FAM204A: variants seen among roughly 807,000 people sequenced by gnomAD.
The protein encoded by FAM204A is family with sequence similarity 204 member A.
A neutral mutation model predicts 35.4 loss-of-function variants in FAM204A; 16 were observed. That is an observed-to-expected ratio of 0.45 (90% CI 0.31 to 0.69). The LOEUF (loss-of-function observed/expected upper bound fraction) is 0.69, where lower values mean the gene tolerates loss of function less well. FAM204A is among the 30% of genes least tolerant of loss of function. The pLI is 0.07. For missense variants in FAM204A, 240 were observed against 265.7 expected (o/e 0.90, Z 0.67); for synonymous variants, 76 against 86.9 (o/e 0.88, Z 0.70).
At chr10:118,326,375 T>C (rs2133281451) in intron 6 of FAM204A, 132 bp from the exon 7 acceptor site, 1 of 745,500 alleles carries the variant, frequency 1.3e-6, no homozygotes, top group East Asian at 2.6e-5. Context: ...CACCAGAAGG[T>C]AGCTGCTACC....
At chr10:118,313,381 A>G (rs1313611194) in intron 7 of FAM204A, among the ~76,000 whole-genome samples, 2 of 152,164 alleles carry the variant, frequency 1.3e-5, no homozygotes, top group East Asian at 3.9e-4. Context: ...TGGCTCTTCG[A>G]TGCTTTAGTT....
At chr10:118,332,433 C>G (rs1404693406) in intron 6 of FAM204A, among the ~76,000 whole-genome samples, 1 of 151,496 alleles carries the variant, frequency 6.6e-6, no homozygotes, top group Non-Finnish European at 1.5e-5. Context: ...CTTCATGGTA[C>G]CACTACAACA....
In FAM204A at chr10:118,301,990, C is replaced by G. The variant is rs1408091065; in HGVS notation, c.*8867G>C. The stretch of plus-strand genomic sequence containing the variant: ...CCATATGAGAGTCCAGTGGTTCTCA[C>G]ACTTCAACGTCCCATCAGAAGATAC... On this transcript the variant is annotated 3_prime_UTR_variant, in exon 9 of 9. Transcript: ENST00000369183. 1 of 152,594 alleles carries G rather than the reference C, an allele frequency of 6.6e-6. No individual in the cohort carries two copies. The highest frequency in any genetic ancestry group is 1.5e-5 in the Non-Finnish European group (1 of 68,058). 9.5% of individuals were successfully genotyped at this position (152,594 alleles called of 1,614,324 possible). A position where few individuals can be genotyped will look rare whatever the true frequency, so the allele number is the denominator to read the frequency against.
chr10:118,332,092 C>T (rs1018055651), intron 6 of FAM204A, among the ~76,000 whole-genome samples: 2 of 133,484 alleles, frequency 1.5e-5, no homozygotes, highest in Admixed American at 1.7e-4. Context: ...GAATGGTTTG[C>T]ACCTGGGAAG....
chr10:118,311,506 C>A (rs1845951879), intron 7 of FAM204A, 193 bp from the exon 8 acceptor site: 1 of 514,386 alleles, frequency 1.9e-6, no homozygotes, highest in Non-Finnish European at 3.4e-6. Flanking sequence ...TCCCAATAGA[C>A]CCTTTACCCT....
chr10:118,326,035 A>C, intron 7 of FAM204A, 119 bp downstream of exon 7: 1 of 720,340 alleles, frequency 1.4e-6, no homozygotes, highest in Non-Finnish European at 2.2e-6. Flanking sequence ...GAAAATGGAC[A>C]AAAAGGAAAA....
At chr10:118,342,012 G>C (rs563832720) in intron 1 of FAM204A, 85 bp from the exon 2 acceptor site, 1 of 152,384 alleles carries the variant, frequency 6.6e-6, no homozygotes, top group African/African-American at 2.4e-5. Context: ...TTTGACCTGG[G>C]TGGGACGGAG....
rs1422286626 is a variant in FAM204A at position 118,298,558 on chromosome 10, A to T, written c.*12299T>A. 1 of 152,228 alleles carries T rather than the reference A, an allele frequency of 6.6e-6. No individual in the cohort carries two copies. Among genetic ancestry groups the T allele is most frequent in the Non-Finnish European group, 1.5e-5 (1 of 68,054 alleles). 9.4% of individuals were successfully genotyped at this position (152,228 alleles called of 1,614,324 possible). ...GCTATCTGCAAAGCTGACCAGGGCT[A>T]GAACTCCATTTTACCACCTCTGACA... On this transcript the variant is annotated 3_prime_UTR_variant, in exon 9 of 9. Coordinates refer to ENST00000369183, the MANE Select transcript of FAM204A (RefSeq NM_022063.3).
intron 7 of FAM204A, among the ~76,000 whole-genome samples, chr10:118,312,236 G>A (rs746811004): frequency 8.5e-5 from 13 of 152,158 alleles, no homozygotes; most frequent in African/African-American, 1.2e-4. Flanking sequence ...CAATAAAAAC[G>A]AAGTACCTCT....
At chr10:118,328,267 G>A (rs769239929) in intron 6 of FAM204A, among the ~76,000 whole-genome samples, 13 of 151,988 alleles carry the variant, frequency 8.6e-5, no homozygotes, top group Non-Finnish European at 1.3e-4. Context: ...TCCCTGGCAC[G>A]GTCCTTCAGT....
Position 118,302,817 on chromosome 10 carries a change from G to T in FAM204A, c.*8040C>A, listed in dbSNP as rs1256198915. On this transcript the variant is annotated 3_prime_UTR_variant, in exon 9 of 9. Transcript: ENST00000369183. ...CCCTATGGTTTGTGATAAGACATGT[G>T]CAAGTTGCACTGACTTGCTTTCCTC... is the stretch of plus-strand genomic sequence containing the variant. 1 of 152,346 alleles carries T rather than the reference G, an allele frequency of 6.6e-6. No individual in the cohort carries two copies. The highest frequency in any genetic ancestry group is 2.4e-5 in the African/African-American group (1 of 41,572). The allele number at this position is 152,346 out of a possible 1,614,324, so 9.4% of individuals were successfully genotyped here.
At position 118,303,564 on chromosome 10, in the gene FAM204A, AGCACTTTGGGAGGCTGAGGTGGGCGG is replaced by A. The variant is rs1845831522; in HGVS notation, c.*7267_*7292del. 6.6e-6 allele frequency: 1 copy of A among 152,498 alleles called. No individual in the cohort carries two copies. Among genetic ancestry groups the A allele is most frequent in the Non-Finnish European group, 1.5e-5 (1 of 68,300 alleles). The allele number at this position is 152,498 out of a possible 1,614,324, so 9.4% of individuals were successfully genotyped here. Reference sequence around the variant, plus strand: ...CGCGGTGGCTCATGCCTGTAATCCCAGCACTTTGGGAGGCTGAGGTGGGCGGATCACAAGGTCAAGAGATTGAGACC... The same window carrying A: ...CGCGGTGGCTCATGCCTGTAATCCCAATCACAAGGTCAAGAGATTGAGACC... On this transcript the variant is annotated 3_prime_UTR_variant, in exon 9 of 9. Transcript: ENST00000369183.
rs1044213554 is a variant in FAM204A at position 118,335,611 on chromosome 10, C to T, written c.265G>A (p.Glu89Lys). ...AATCTTGAGGTTGTGCTTTTCTGTT[C>T]AGAATGTTTTTTATGCAATTCTTGA... Reference protein sequence around the residue: ...KFQELHKKHSEQKSTTSRFRG... With the variant: ...KFQELHKKHSKQKSTTSRFRG... Residue 89 changes from glutamate to lysine, a missense_variant, in exon 4 of 9, where the codon GAA (glutamate) becomes AAA (lysine). Physicochemically the swap from Glu to Lys is moderately conservative, Grantham distance 56 (BLOSUM62 1). Transcript: ENST00000369183. The T allele has an allele frequency of 9.3e-6, 15 of 1,608,780 alleles. No homozygotes were observed. Among genetic ancestry groups the T allele is most frequent in the Non-Finnish European group, 1.3e-5 (15 of 1,178,824 alleles).
intron 2 of FAM204A, chr10:118,337,346 G>A: frequency 1.9e-6 from 1 of 525,960 alleles, no homozygotes; most frequent in Non-Finnish European, 2.4e-6. Context: ...CTATCAATAT[G>A]AAGGAATAAA....
chr10:118,317,511 A>T (rs929301270), intron 7 of FAM204A, among the ~76,000 whole-genome samples: 3 of 151,580 alleles, frequency 2.0e-5, no homozygotes, highest in African/African-American at 7.3e-5. Context: ...AAAGGTTAAA[A>T]GAAAATATCC....
rs943953328 is a variant in FAM204A at position 118,342,259 on chromosome 10, G to A, written c.-210+11C>T. 1.4e-4 allele frequency: 21 copies of A among 152,300 alleles called. No individual in the cohort carries two copies. The highest frequency in any genetic ancestry group is 4.6e-4 in the African/African-American group (19 of 41,430). The allele number at this position is 152,300 out of a possible 1,614,324, so 9.4% of individuals were successfully genotyped here. A position where few individuals can be genotyped will look rare whatever the true frequency, so the allele number is the denominator to read the frequency against. ...CCGGCGGGTAACCAACCCTCCATAA[G>A]CCGTACTCACCTGTCAGGAAGTGGT... On this transcript the variant is annotated intron_variant, in intron 1 of 8. Coordinates refer to ENST00000369183, the MANE Select transcript of FAM204A (RefSeq NM_022063.3).
At position 118,332,675 on chromosome 10, in the gene FAM204A, A is replaced by C. The variant is rs765280204; in HGVS notation, c.453+2439T>G. Among the ~76,000 whole-genome samples the C allele has an allele frequency of 4.6e-5, 7 of 152,182 alleles. 1 individual carries two copies. The highest frequency in any genetic ancestry group is 7.2e-5 in the African/African-American group (3 of 41,442). ...AAAAACAAACAAACAAACAAACAAA[A>C]AAAACCAAGTTCGAAAAAGCTACAC... On this transcript the variant is annotated intron_variant, in intron 6 of 8. Coordinates refer to ENST00000369183, the MANE Select transcript of FAM204A (RefSeq NM_022063.3).
Position 118,309,121 on chromosome 10 carries a change from A to C in FAM204A, c.*1736T>G, listed in dbSNP as rs890611727. ...GAAATGAATATTGTAGGTAAGTTTT[A>C]CATGATCATATCTGTAAAATGGAAC... On this transcript the variant is annotated 3_prime_UTR_variant, in exon 9 of 9. Transcript: ENST00000369183. 1.3e-5 allele frequency: 2 copies of C among 152,250 alleles called. No individual in the cohort carries two copies. Among genetic ancestry groups the C allele is most frequent in the African/African-American group, 4.8e-5 (2 of 41,472 alleles). 9.4% of individuals were successfully genotyped at this position (152,250 alleles called of 1,614,324 possible). A position where few individuals can be genotyped will look rare whatever the true frequency, so the allele number is the denominator to read the frequency against.
chr10:118,311,487 T>A (rs1845951221), intron 7 of FAM204A, 174 bp from the exon 8 acceptor site: 2 of 567,690 alleles, frequency 3.5e-6, no homozygotes, highest in East Asian at 6.0e-5. Context: ...GACCCATATC[T>A]CCCGTGACTC....
Sources: gnomAD v4.1 joint callset for allele counts (sites outside exome capture counted in the v4.1 genomes callset) on GRCh38, gnomAD v4.1.1 for gene constraint, MANE v1.5 for transcripts, NCBI Gene and HGNC (gene_info 2026-07-23, HGNC 2026-07-21) for gene names.